CCT6A: variants seen among roughly 807,000 people sequenced by gnomAD.
The protein encoded by CCT6A is T-complex protein 1 subunit zeta.
In CCT6A, 6 loss-of-function variants were observed where a neutral mutation model predicts 58.6. The ratio of observed to expected loss-of-function variants is 0.10; its 90% CI spans 0.06 to 0.20. The LOEUF is 0.20. CCT6A is among the 10% of genes least tolerant of loss of function. CCT6A has a pLI of 1.00. For missense variants in CCT6A, 516 were observed against 648.8 expected (o/e 0.80, Z 2.22); for synonymous variants, 245 against 227.8 (o/e 1.08, Z -0.68).
intron 8 of CCT6A, 66 bp downstream of exon 8, chr7:56,058,768 C>T (rs1794368302): frequency 1.9e-6 from 2 of 1,046,234 alleles, no homozygotes; most frequent in Non-Finnish European, 2.9e-6. Flanking sequence ...TTTCCTTATA[C>T]TTTATTTTTG....
intron 12 of CCT6A, chr7:56,062,059 C>T (rs1461320619): frequency 7.3e-6 from 3 of 409,274 alleles, no homozygotes; most frequent in African/African-American, 2.1e-5. Flanking sequence ...TTTGGGGATA[C>T]AATTTTGGAG....
At position 56,063,681 on chromosome 7, in the gene CCT6A, A is replaced by G. The variant is rs1794534927; in HGVS notation, c.*596A>G. On this transcript the variant is annotated 3_prime_UTR_variant, in exon 14 of 14. Transcript: ENST00000275603. ...AGGGAGTTGAGAGAGCTGCAACTGTAAAGGGCAAGAACAGGCAGAGGTAAA... is the reference window on the plus strand; with the variant it reads ...AGGGAGTTGAGAGAGCTGCAACTGTGAAGGGCAAGAACAGGCAGAGGTAAA... 1 of 159,490 alleles carries G rather than the reference A, an allele frequency of 6.3e-6. No homozygotes were observed. The highest frequency in any genetic ancestry group is 1.7e-4 in the South Asian group (1 of 5,748). 9.9% of individuals were successfully genotyped at this position (159,490 alleles called of 1,614,324 possible). A position where few individuals can be genotyped will look rare whatever the true frequency, so the allele number is the denominator to read the frequency against.
At chr7:56,056,682 A>G (rs774631648) in intron 5 of CCT6A, among the ~76,000 whole-genome samples, 1 of 151,558 alleles carries the variant, frequency 6.6e-6, no homozygotes, top group Non-Finnish European at 1.5e-5. Flanking sequence ...AGACCACACC[A>G]TTGCACTCCA....
intron 8 of CCT6A, 169 bp downstream of exon 8, chr7:56,058,871 C>G (rs557300237): frequency 4.1e-6 from 2 of 490,224 alleles, no homozygotes; most frequent in South Asian, 8.2e-5. Flanking sequence ...TTCATCATCA[C>G]AAACTGAAAC....
intron 4 of CCT6A, 151 bp downstream of exon 4, chr7:56,055,948 AT>A: frequency 1.7e-6 from 1 of 585,774 alleles, no homozygotes. Flanking sequence ...GTCTCTAAAA[AT>A]GAGGAAATTA....
intron 5 of CCT6A, among the ~76,000 whole-genome samples, chr7:56,057,607 G>T (rs1399082423): frequency 6.6e-6 from 1 of 152,156 alleles, no homozygotes; most frequent in Non-Finnish European, 1.5e-5. Flanking sequence ...TAGGCCGGGC[G>T]CAGTGGCTCA....
chr7:56,060,991 C>A, intron 11 of CCT6A, 51 bp downstream of exon 11: 1 of 1,541,814 alleles, frequency 6.5e-7, no homozygotes, highest in Non-Finnish European at 8.7e-7. Flanking sequence ...CTGATCAAAC[C>A]TTTCTGATAA....
chr7:56,059,967 G>A (rs1794398559), intron 9 of CCT6A: 2 of 434,346 alleles, frequency 4.6e-6, no homozygotes, highest in South Asian at 2.9e-5. Context: ...CTCCCAAAGT[G>A]CTGAGATTAC....
chr7:56,061,690 T>A, intron 11 of CCT6A, 57 bp from the exon 12 acceptor site: 1 of 560,356 alleles, frequency 1.8e-6, no homozygotes, highest in Non-Finnish European at 3.1e-6. Flanking sequence ...TTTTTTTTTT[T>A]TTTTACTATC....
chr7:56,055,262 G>T (rs1449675702), intron 3 of CCT6A: 4 of 273,030 alleles, frequency 1.5e-5, no homozygotes, highest in Non-Finnish European at 2.9e-5. Context: ...TAACAAGTGC[G>T]AAACTCCATC....
intron 9 of CCT6A, chr7:56,060,036 C>G: frequency 3.8e-6 from 2 of 526,554 alleles, no homozygotes; most frequent in Non-Finnish European, 6.8e-6. Context: ...AATTGAAATT[C>G]AGGATCAGAT....
In CCT6A at chr7:56,052,547, A is replaced by C. The variant is rs1033009650; in HGVS notation, c.201+62A>C. ...ATTTTCCGTAGAATGTTTTCTTTGT[A>C]GAAAGATTTGCAGTGTCCATTTTCA... On this transcript the variant is annotated intron_variant, in intron 2 of 13. Coordinates refer to ENST00000275603, the MANE Select transcript of CCT6A (RefSeq NM_001762.4). 3.9e-5 allele frequency: 55 copies of C among 1,408,348 alleles called. No individual in the cohort carries two copies. In the Admixed American group the frequency reaches 8.9e-4, roughly 23 times the overall value. The allele number at this position is 1,408,348 out of a possible 1,614,324, so 87.2% of individuals were successfully genotyped here. A position where few individuals can be genotyped will look rare whatever the true frequency, so the allele number is the denominator to read the frequency against.
chr7:56,054,349 C>T lies in CCT6A; in HGVS notation c.202-20C>T, dbSNP rs776592029. 3 of 1,585,400 alleles carry T rather than the reference C, an allele frequency of 1.9e-6. No individual in the cohort carries two copies. Among genetic ancestry groups the T allele is most frequent in the Admixed American group, 3.3e-5 (2 of 59,704 alleles). ...CTGCTTCATATTGTTTTAAGTGATTCATTCTTTTTCTACTTACAGCAAATT... is the reference window on the plus strand; with the variant it reads ...CTGCTTCATATTGTTTTAAGTGATTTATTCTTTTTCTACTTACAGCAAATT... On this transcript the variant is annotated intron_variant, in intron 2 of 13. Coordinates refer to ENST00000275603, the MANE Select transcript of CCT6A (RefSeq NM_001762.4).
At chr7:56,059,280 T>G (rs1197516585) in intron 8 of CCT6A, among the ~76,000 whole-genome samples, 1 of 152,108 alleles carries the variant, frequency 6.6e-6, no homozygotes, top group Non-Finnish European at 1.5e-5. Context: ...GGATTACAGG[T>G]GTGAGCCACC....
Position 56,061,886 on chromosome 7 carries a change from T to G in CCT6A, c.1450+37T>G, listed in dbSNP as rs760230418. The G allele has an allele frequency of 9.6e-6, 11 of 1,142,678 alleles. No individual in the cohort carries two copies. The East Asian group carries it at 2.8e-4, about 29-fold the overall frequency. 70.8% of individuals were successfully genotyped at this position (1,142,678 alleles called of 1,614,324 possible). A position where few individuals can be genotyped will look rare whatever the true frequency, so the allele number is the denominator to read the frequency against. ...CAACTGTTGTAGAGGGAAAACTAGA[T>G]GTAATACGTGTGAGTTGAAGCCAGG... On this transcript the variant is annotated intron_variant, in intron 12 of 13. Transcript: ENST00000275603.
rs144261379 is a variant in CCT6A, at chr7:56,055,305, A to G, written c.337-319A>G. 276 of 337,212 alleles carry G rather than the reference A, an allele frequency of 8.2e-4. 2 individuals are homozygous for G. The highest frequency in any genetic ancestry group is 5.4e-3 in the African/African-American group (254 of 47,126). 20.9% of individuals were successfully genotyped at this position (337,212 alleles called of 1,614,324 possible). On this transcript the variant is annotated intron_variant, in intron 3 of 13. Coordinates refer to ENST00000275603, the MANE Select transcript of CCT6A (RefSeq NM_001762.4). ...AAATGAAAGAAAATAAAGATAGGATAATGCTACCATCTGTGAGTTGTTGGG... is the reference window on the plus strand; with the variant it reads ...AAATGAAAGAAAATAAAGATAGGATGATGCTACCATCTGTGAGTTGTTGGG...
At chr7:56,052,285 C>G in intron 1 of CCT6A, 137 bp from the exon 2 acceptor site, 1 of 777,358 alleles carries the variant, frequency 1.3e-6, no homozygotes, top group Non-Finnish European at 2.2e-6. Flanking sequence ...GGGCACTACA[C>G]CTGTCCTCCA....
In CCT6A at chr7:56,055,846, A is replaced by T. The variant is rs1794293550; in HGVS notation, c.510+49A>T. 3.8e-6 allele frequency: 5 copies of T among 1,329,642 alleles called. No individual in the cohort carries two copies. The South Asian group carries it at 6.4e-5, about 17-fold the overall frequency. The allele number at this position is 1,329,642 out of a possible 1,614,324, so 82.4% of individuals were successfully genotyped here. A position where few individuals can be genotyped will look rare whatever the true frequency, so the allele number is the denominator to read the frequency against. ...TCTGGTATAGTATACCTATATAGAA[A>T]ATCTCTGATAGTAGAAACATGAATA... On this transcript the variant is annotated intron_variant, in intron 4 of 13. Transcript: ENST00000275603.
At chr7:56,054,745 T>C (rs550146014) in intron 3 of CCT6A, among the ~76,000 whole-genome samples, 5 of 152,310 alleles carry the variant, frequency 3.3e-5, no homozygotes, top group East Asian at 3.9e-4. Flanking sequence ...CTGTCTTTAG[T>C]GTAGATTAAT....
Sources: gnomAD v4.1 joint callset for allele counts (sites outside exome capture counted in the v4.1 genomes callset) on GRCh38, gnomAD v4.1.1 for gene constraint, MANE v1.5 for transcripts, NCBI Gene and HGNC (gene_info 2026-07-23, HGNC 2026-07-21) for gene names.